The following FAM53B variants were observed in gnomAD, a reference collection of about 807,000 sequenced individuals.
FAM53B encodes family with sequence similarity 53 member B.
FAM53B carries 12 observed loss-of-function variants against 32.7 expected under a neutral mutation model. That is an observed-to-expected ratio of 0.37 (90% CI 0.24 to 0.59). The LOEUF (loss-of-function observed/expected upper bound fraction) is 0.59, where lower values mean the gene tolerates loss of function less well. FAM53B is among the 20% of genes least tolerant of loss of function. The pLI, the probability that FAM53B is intolerant of heterozygous loss-of-function variation, is 0.72. For missense variants in FAM53B, 477 were observed against 577.7 expected (o/e 0.83, Z 1.79); for synonymous variants, 234 against 228.7 (o/e 1.02, Z -0.21).
chr10:124,675,397 G>T (rs912385643), intron 4 of FAM53B, among the ~76,000 whole-genome samples: 2 of 152,202 alleles, frequency 1.3e-5, no homozygotes, highest in African/African-American at 4.8e-5. Flanking sequence ...GGAGAGCCCA[G>T]GACACTGCCC....
At position 124,651,134 on chromosome 10, in the gene FAM53B, A is replaced by C. The variant is rs529480160; in HGVS notation, c.907-27530T>G. Among the ~76,000 whole-genome samples the C allele has an allele frequency of 8.4e-4, 128 of 152,364 alleles. No individual in the cohort carries two copies. The highest frequency in any genetic ancestry group is 3.0e-3 in the African/African-American group (124 of 41,592). On this transcript the variant is annotated intron_variant, in intron 4 of 4. Transcript: ENST00000337318. The surrounding 1 kb of genome is among the most constrained non-coding windows in gnomAD (Gnocchi z 5.2). Reference sequence around the variant, plus strand: ...GGCCAGCTGCACTCAGCACAGGGGCAAAGCCAAGCCTTCTGTCCTTGCCGG... The same window carrying C: ...GGCCAGCTGCACTCAGCACAGGGGCCAAGCCAAGCCTTCTGTCCTTGCCGG...
At chr10:124,724,045 G>C (rs1434201950) in intron 1 of FAM53B, among the ~76,000 whole-genome samples, 1 of 152,164 alleles carries the variant, frequency 6.6e-6, no homozygotes, top group Non-Finnish European at 1.5e-5. Flanking sequence ...ACATAACTAA[G>C]TTCACGCAAA....
chr10:124,718,520 T>C (rs900721007), intron 1 of FAM53B, among the ~76,000 whole-genome samples: 3 of 152,186 alleles, frequency 2.0e-5, no homozygotes, highest in South Asian at 2.1e-4. Context: ...ATGACAAGTA[T>C]ACCCGAGCTC....
chr10:124,663,191 A>T (rs960853112), intron 4 of FAM53B, among the ~76,000 whole-genome samples: 5 of 152,236 alleles, frequency 3.3e-5, no homozygotes, highest in Admixed American at 3.3e-4. Context: ...GGTAGACAGG[A>T]CACACACATA....
intron 3 of FAM53B, among the ~76,000 whole-genome samples, chr10:124,688,361 T>C (rs930994192): frequency 2.0e-5 from 3 of 152,228 alleles, no homozygotes; most frequent in East Asian, 1.9e-4. Flanking sequence ...CTTTAGGGCA[T>C]GTAAAGCTTC....
chr10:124,644,167 C>A (rs1949495850), intron 4 of FAM53B, among the ~76,000 whole-genome samples: 1 of 152,202 alleles, frequency 6.6e-6, no homozygotes, highest in South Asian at 2.1e-4. Context: ...GGCCACTTTG[C>A]AGCTATTTGT....
intron 4 of FAM53B, among the ~76,000 whole-genome samples, chr10:124,627,662 C>A (rs1949363823): frequency 6.6e-6 from 1 of 152,190 alleles, no homozygotes; most frequent in Non-Finnish European, 1.5e-5. Flanking sequence ...CTGCAAAAGG[C>A]AGACCACAGC....
chr10:124,695,870 T>C (rs1253637897), intron 3 of FAM53B, among the ~76,000 whole-genome samples: 2 of 152,234 alleles, frequency 1.3e-5, no homozygotes, highest in Non-Finnish European at 2.9e-5. Flanking sequence ...GAGATTTTTA[T>C]TGCATACTTT....
rs866427142 is a variant in FAM53B at position 124,643,491 on chromosome 10, G to A, written c.907-19887C>T. 1.1e-4 allele frequency among the ~76,000 whole-genome samples: 17 copies of A among 152,374 alleles called. No individual in the cohort carries two copies. The South Asian group carries it at 1.7e-3, about 15-fold the overall frequency. ...CTTAAATCAGTCTGAAGCTGTGAAA[G>A]CCTCCATCACTCGTCGCCCGGGCCC... On this transcript the variant is annotated intron_variant, in intron 4 of 4. Coordinates refer to ENST00000337318, the MANE Select transcript of FAM53B (RefSeq NM_014661.4).
At chr10:124,697,078 C>T (rs944264265) in intron 2 of FAM53B, among the ~76,000 whole-genome samples, 3 of 152,092 alleles carry the variant, frequency 2.0e-5, no homozygotes, top group African/African-American at 7.2e-5. Flanking sequence ...TCAAGAGGCT[C>T]GCTCGGTCCT....
intron 4 of FAM53B, chr10:124,667,244 GAAATACTGGGTTAAATATACTATTC>G (rs1949678229): frequency 1.8e-6 from 1 of 564,912 alleles, no homozygotes; most frequent in South Asian, 2.3e-5. Context: ...TAGTATTTTG[GAAATACTGGGTTAAATATACTATTC>G]AAAGTCATTT....
intron 1 of FAM53B, among the ~76,000 whole-genome samples, chr10:124,722,816 C>G (rs769656939): frequency 1.5e-4 from 23 of 152,168 alleles, no homozygotes; most frequent in Non-Finnish European, 2.6e-4. Context: ...AGACGTGTAG[C>G]TGGGGACAGG....
intron 2 of FAM53B, chr10:124,705,517 G>A (rs1949950053): frequency 6.6e-6 from 1 of 152,292 alleles, no homozygotes; most frequent in South Asian, 2.1e-4. Context: ...GCTTCCCATG[G>A]GCTTCAGCTG....
intron 4 of FAM53B, among the ~76,000 whole-genome samples, chr10:124,668,675 CAA>C (rs1017743404): frequency 1.3e-5 from 2 of 152,210 alleles, no homozygotes; most frequent in African/African-American, 4.8e-5. Flanking sequence ...GGCACAAGAG[CAA>C]AGAGGCAGCT....
At chr10:124,734,683 C>T (rs561695360) in intron 1 of FAM53B, among the ~76,000 whole-genome samples, 35 of 152,300 alleles carry the variant, frequency 2.3e-4, no homozygotes, top group Non-Finnish European at 2.1e-4. Context: ...CTCCCAGAAC[C>T]TAGTGAACAG....
At position 124,651,854 on chromosome 10, in the gene FAM53B, C is replaced by T. The variant is rs1412258029; in HGVS notation, c.907-28250G>A. On this transcript the variant is annotated intron_variant, in intron 4 of 4. Coordinates refer to ENST00000337318, the MANE Select transcript of FAM53B (RefSeq NM_014661.4). This position sits in a 1 kb window ranked among gnomAD's most constrained non-coding sequence, Gnocchi z 5.2. ...GTTCACGCCAGCCCCAGCGTCAGGA[C>T]AACTGCGACTGAGGGCGGTTCTCAA... Among the ~76,000 whole-genome samples, 1 of 152,196 alleles carries T rather than the reference C, an allele frequency of 6.6e-6. No individual in the cohort carries two copies. The highest frequency in any genetic ancestry group is 1.5e-5 in the Non-Finnish European group (1 of 68,032).
At chr10:124,725,231 C>T (rs1950094273) in intron 1 of FAM53B, among the ~76,000 whole-genome samples, 2 of 152,216 alleles carry the variant, frequency 1.3e-5, no homozygotes, top group African/African-American at 2.4e-5. Context: ...CACCACTAAG[C>T]ACTTAGATGT....
intron 4 of FAM53B, among the ~76,000 whole-genome samples, chr10:124,640,245 G>A (rs866702936): frequency 7.2e-4 from 109 of 152,348 alleles, no homozygotes; most frequent in African/African-American, 2.5e-3. Context: ...GCGAGTGTGA[G>A]GAGCAGCACA....
chr10:124,640,834 G>C (rs549228346), intron 4 of FAM53B, among the ~76,000 whole-genome samples: 42 of 152,330 alleles, frequency 2.8e-4, no homozygotes, highest in Admixed American at 1.1e-3. Flanking sequence ...CGCAGGAAGA[G>C]AGGAGGAGGA....
Sources: allele counts gnomAD v4.1 joint callset (sites outside exome capture counted in the v4.1 genomes callset), GRCh38; gene constraint gnomAD v4.1.1; non-coding constraint Gnocchi (gnomAD v3.1); transcripts MANE v1.5; gene names NCBI Gene and HGNC (gene_info 2026-07-23, HGNC 2026-07-21).